RFX2: variants seen among roughly 807,000 people sequenced by gnomAD.
The protein encoded by RFX2 is regulatory factor X2.
RFX2 carries 20 observed loss-of-function variants against 87.8 expected under a neutral mutation model. The ratio of observed to expected loss-of-function variants is 0.23; its 90% CI spans 0.16 to 0.33. RFX2 has a LOEUF of 0.33. RFX2 is among the 10% of genes least tolerant of loss of function. The pLI, the probability that RFX2 is intolerant of heterozygous loss-of-function variation, is 1.00. For synonymous variants in RFX2, 397 were observed against 431.3 expected, an observed-to-expected ratio of 0.92 and a Z score of 0.98; for missense variants, 767 against 1,012.3, an observed-to-expected ratio of 0.76 and a Z score of 3.29.
chr19:6,051,707 T>C (rs2087268290), intron 1 of RFX2, among the ~76,000 whole-genome samples: 1 of 152,112 alleles, frequency 6.6e-6, no homozygotes, highest in Non-Finnish European at 1.5e-5. Context: ...ATATATTAAG[T>C]GTAAATAGAC....
rs188387069 is a variant in RFX2, at chr19:6,039,629, C to T, written c.522+351G>A. On this transcript the variant is annotated intron_variant, in intron 5 of 17. Transcript: ENST00000303657. The surrounding 1 kb of genome is among the most constrained non-coding windows in gnomAD (Gnocchi z 5.2). The stretch of plus-strand genomic sequence containing the variant: ...GGTGTCTCATGGATGGATTGATCCA[C>T]GCCTCTAAAAGCTTGATAGTAACAA... Among the ~76,000 whole-genome samples the T allele has an allele frequency of 3.3e-5, 5 of 152,310 alleles. No individual in the cohort carries two copies. The highest frequency in any genetic ancestry group is 1.2e-4 in the African/African-American group (5 of 41,546).
intron 1 of RFX2, among the ~76,000 whole-genome samples, chr19:6,092,483 C>T (rs564958277): frequency 6.4e-4 from 97 of 152,260 alleles, no homozygotes; most frequent in African/African-American, 2.3e-3. Context: ...TTTACAGCCA[C>T]GCGTCCAGAG....
chr19:6,026,590 CCAG>C lies in RFX2; in HGVS notation c.523-356_523-354del. ...TGCATCCATTCCAGTGTCAGCCAAG[CCAG>C]CATCATAGTCACCTGCTCCTTTCCC... On this transcript the variant is annotated intron_variant, in intron 5 of 17. Transcript: ENST00000303657. The surrounding 1 kb of genome is among the most constrained non-coding windows in gnomAD (Gnocchi z 4.5). 3.3e-6 allele frequency: 1 copy of C among 306,974 alleles called. No individual in the cohort carries two copies. 19.0% of individuals were successfully genotyped at this position (306,974 alleles called of 1,614,324 possible). A position where few individuals can be genotyped will look rare whatever the true frequency, so the allele number is the denominator to read the frequency against.
chr19:6,015,287 G>A lies in RFX2; in HGVS notation c.779+803C>T, dbSNP rs572984841. 9.2e-5 allele frequency among the ~76,000 whole-genome samples: 14 copies of A among 152,070 alleles called. 1 individual carries two copies. The highest frequency in any genetic ancestry group is 8.3e-4 in the South Asian group (4 of 4,812). ...TACTAAAAATATAAAAATTAGCCAG[G>A]CGTGCTGGTGGGGGCCCGTAAATCC... On this transcript the variant is annotated intron_variant, in intron 7 of 17. Coordinates refer to ENST00000303657, the MANE Select transcript of RFX2 (RefSeq NM_000635.4).
At position 6,047,395 on chromosome 19, in the gene RFX2, G is replaced by A; in HGVS notation, c.90+12C>T. The A allele has an allele frequency of 6.3e-7, 1 of 1,599,196 alleles. No homozygotes were observed. The highest frequency in any genetic ancestry group is 8.5e-7 in the Non-Finnish European group (1 of 1,172,994). The stretch of plus-strand genomic sequence containing the variant: ...TGTGGCCACCCTGTTGTTGCTGAGA[G>A]GCGCGCGTTACCTGCGGGGAGGCTG... On this transcript the variant is annotated intron_variant, in intron 2 of 17. Transcript: ENST00000303657. The surrounding 1 kb of genome is among the most constrained non-coding windows in gnomAD (Gnocchi z 4.2).
In RFX2 at chr19:6,101,346, G is replaced by A. The variant is rs2088124573; in HGVS notation, c.-9+9047C>T. Among the ~76,000 whole-genome samples the A allele has an allele frequency of 6.6e-6, 1 of 152,164 alleles. No homozygotes were observed. Among genetic ancestry groups the A allele is most frequent in the Non-Finnish European group, 1.5e-5 (1 of 68,032 alleles). ...TTCTCAAGGCAGGCTACATCTGTCT[G>A]TATGTATTCTGAGAAGGACAGGAGA... On this transcript the variant is annotated intron_variant, in intron 1 of 17. Transcript: ENST00000303657. This position sits in a 1 kb window ranked among gnomAD's most constrained non-coding sequence, Gnocchi z 4.9.
At chr19:5,996,579 G>C (rs912400676) in intron 16 of RFX2, among the ~76,000 whole-genome samples, 1 of 152,252 alleles carries the variant, frequency 6.6e-6, no homozygotes, top group South Asian at 2.1e-4. Flanking sequence ...TCCTGGGGAC[G>C]GGGTTTCCTT....
At chr19:6,079,191 G>C (rs1462932045) in intron 1 of RFX2, among the ~76,000 whole-genome samples, 2 of 152,222 alleles carry the variant, frequency 1.3e-5, no homozygotes, top group Non-Finnish European at 2.9e-5. Flanking sequence ...ATGGCTGTTT[G>C]TGCAGGGAGT....
chr19:6,023,570 C>A lies in RFX2; in HGVS notation c.597+2593G>T, dbSNP rs754731604. 6.6e-6 allele frequency among the ~76,000 whole-genome samples: 1 copy of A among 152,326 alleles called. No individual in the cohort carries two copies. The highest frequency in any genetic ancestry group is 1.9e-4 in the East Asian group (1 of 5,188). On this transcript the variant is annotated intron_variant, in intron 6 of 17. Coordinates refer to ENST00000303657, the MANE Select transcript of RFX2 (RefSeq NM_000635.4). The surrounding 1 kb of genome is among the most constrained non-coding windows in gnomAD (Gnocchi z 4.9). ...TGCTTCGAGTCACCAAGCCCGGAAT[C>A]TTACTGATCACAGCTCATGACAGAA...
chr19:6,091,384 G>A (rs746439033), intron 1 of RFX2, among the ~76,000 whole-genome samples: 4 of 151,576 alleles, frequency 2.6e-5, no homozygotes, highest in African/African-American at 4.9e-5. Flanking sequence ...GAAGGTGGAG[G>A]CTGCAATAAG....
In RFX2 at chr19:5,997,287, C is replaced by G; in HGVS notation, c.1860-74G>C. 6.9e-7 allele frequency: 1 copy of G among 1,442,390 alleles called. No individual in the cohort carries two copies. Among genetic ancestry groups the G allele is most frequent in the South Asian group, 1.3e-5 (1 of 76,250 alleles). The allele number at this position is 1,442,390 out of a possible 1,614,324, so 89.3% of individuals were successfully genotyped here. A position where few individuals can be genotyped will look rare whatever the true frequency, so the allele number is the denominator to read the frequency against. On this transcript the variant is annotated intron_variant, in intron 15 of 17. Coordinates refer to ENST00000303657, the MANE Select transcript of RFX2 (RefSeq NM_000635.4). This position sits in a 1 kb window ranked among gnomAD's most constrained non-coding sequence, Gnocchi z 4.2. Reference sequence around the variant, plus strand: ...CCGGGCCCCAGGCCAGACTTCATGGCAGCAACACACCCCCTGCTCTACGTT... The same window carrying G: ...CCGGGCCCCAGGCCAGACTTCATGGGAGCAACACACCCCCTGCTCTACGTT...
At chr19:6,105,677 G>A (rs990319812) in intron 1 of RFX2, among the ~76,000 whole-genome samples, 1 of 152,178 alleles carries the variant, frequency 6.6e-6, no homozygotes, top group Non-Finnish European at 1.5e-5. Flanking sequence ...CTGGTGGCTG[G>A]GACCAGAGGG....
chr19:6,096,826 T>C (rs1321118937), intron 1 of RFX2, among the ~76,000 whole-genome samples: 1 of 152,190 alleles, frequency 6.6e-6, no homozygotes, highest in Non-Finnish European at 1.5e-5. Flanking sequence ...TGGTATTCCA[T>C]GATGTTCCAC....
chr19:6,086,217 C>A (rs182085192), intron 1 of RFX2, among the ~76,000 whole-genome samples: 1 of 152,174 alleles, frequency 6.6e-6, no homozygotes, highest in East Asian at 1.9e-4. Context: ...ATCTTGGCAC[C>A]CTTGCAGGAG....
intron 6 of RFX2, among the ~76,000 whole-genome samples, chr19:6,025,233 C>T (rs538039456): frequency 5.0e-4 from 76 of 152,242 alleles, no homozygotes; most frequent in African/African-American, 1.5e-3. Context: ...GAAATAAAGA[C>T]GGAGCCTGCC....
intron 1 of RFX2, among the ~76,000 whole-genome samples, chr19:6,100,763 T>G (rs959481010): frequency 6.6e-6 from 1 of 151,970 alleles, no homozygotes; most frequent in African/African-American, 2.4e-5. Flanking sequence ...TTCTTTTGCA[T>G]GCTGAGTCTC....
chr19:6,051,309 T>C (rs2087263162), intron 1 of RFX2, among the ~76,000 whole-genome samples: 1 of 152,188 alleles, frequency 6.6e-6, no homozygotes, highest in Non-Finnish European at 1.5e-5. Flanking sequence ...TAAAACTATT[T>C]AACAAAAACT....
chr19:6,017,924 C>T lies in RFX2; in HGVS notation c.598-1653G>A, dbSNP rs1211944169. On this transcript the variant is annotated intron_variant, in intron 6 of 17. Transcript: ENST00000303657. This position sits in a 1 kb window ranked among gnomAD's most constrained non-coding sequence, Gnocchi z 4.1. ...TGCCTGTCTGTTTGCCCCATCCCCACCCCCCCAACTCAGCATTAGAAGCTG... is the reference window on the plus strand; with the variant it reads ...TGCCTGTCTGTTTGCCCCATCCCCATCCCCCCAACTCAGCATTAGAAGCTG... Among the ~76,000 whole-genome samples the T allele has an allele frequency of 6.9e-6, 1 of 144,066 alleles. No homozygotes were observed. Among genetic ancestry groups the T allele is most frequent in the Non-Finnish European group, 1.5e-5 (1 of 65,512 alleles). 94.5% of individuals were successfully genotyped at this position (144,066 alleles called of 152,430 possible).
At chr19:6,035,848 GGGGTGTGTGTGTGT>G (rs1045133819) in intron 5 of RFX2, among the ~76,000 whole-genome samples, 3 of 85,328 alleles carry the variant, frequency 3.5e-5, no homozygotes, top group African/African-American at 5.8e-5. Context: ...AGCTTGGTGG[GGGGTGTGTGTGTGT>G]GTGTGTGTGT....
Sources: gnomAD v4.1 joint callset for allele counts (sites outside exome capture counted in the v4.1 genomes callset) on GRCh38, gnomAD v4.1.1 for gene constraint, Gnocchi (gnomAD v3.1) non-coding constraint, MANE v1.5 for transcripts, NCBI Gene and HGNC (gene_info 2026-07-23, HGNC 2026-07-21) for gene names.